The following COL4A5 variants were observed in gnomAD, a reference collection of about 807,000 sequenced individuals.
COL4A5 encodes collagen alpha-5(IV) chain.
COL4A5 carries 26 observed loss-of-function variants against 130.2 expected under a neutral mutation model. The observed-to-expected ratio is 0.20, with a 90% CI of 0.15 to 0.28. The LOEUF is 0.28. Ranked by LOEUF, COL4A5 falls within the 10% of genes least tolerant of loss-of-function variation. COL4A5 has a pLI of 1.00. For missense variants in COL4A5, 1,131 were observed against 1,344.3 expected, an observed-to-expected ratio of 0.84 and a Z score of 2.48; for synonymous variants, 496 against 439.6, an observed-to-expected ratio of 1.13 and a Z score of -1.60.
chrX:108,476,196 C>T lies in COL4A5; in HGVS notation c.81+35990C>T, dbSNP rs191241375. ...AGATGGTTTTTCTTCTAATTGTATA[C>T]GCCTTTATACTCATGTATTCTATGA... is the stretch of plus-strand genomic sequence containing the variant. On this transcript the variant is annotated intron_variant, in intron 1 of 52. Transcript: ENST00000328300. 8.2e-4 allele frequency among the ~76,000 whole-genome samples: 92 copies of T among 111,654 alleles called. 1 individual carries two copies. Among genetic ancestry groups the T allele is most frequent in the Admixed American group, 6.0e-3 (63 of 10,495 alleles).
At chrX:108,630,317 C>T (rs2067231340) in intron 36 of COL4A5, among the ~76,000 whole-genome samples, 1 of 111,818 alleles carries the variant, frequency 8.9e-6, no homozygotes, top group Admixed American at 9.5e-5. Flanking sequence ...TCTCCAGCAC[C>T]TGTTGTTTCC....
intron 21 of COL4A5, among the ~76,000 whole-genome samples, chrX:108,593,353 G>A (rs747092406): frequency 8.1e-5 from 9 of 111,020 alleles, no homozygotes; most frequent in Non-Finnish European, 1.5e-4. Context: ...TCTTTAATTT[G>A]ATTATTGGAT....
intron 30 of COL4A5, among the ~76,000 whole-genome samples, chrX:108,615,408 A>T (rs2066909261): frequency 9.0e-6 from 1 of 111,506 alleles, no homozygotes; most frequent in Admixed American, 9.5e-5. Context: ...TTAGCACATG[A>T]CAACTAGAAT....
At chrX:108,472,216 T>G (rs1279656308) in intron 1 of COL4A5, among the ~76,000 whole-genome samples, 1 of 111,900 alleles carries the variant, frequency 8.9e-6, no homozygotes, top group Non-Finnish European at 1.9e-5. Flanking sequence ...TTTGTATGAC[T>G]TCAGTTTTTG....
chrX:108,489,324 A>G (rs1242569149), intron 1 of COL4A5, among the ~76,000 whole-genome samples: 3 of 111,518 alleles, frequency 2.7e-5, no homozygotes, highest in Non-Finnish European at 5.7e-5. Context: ...CCTCTATTAT[A>G]GCAGCTATCA....
intron 1 of COL4A5, among the ~76,000 whole-genome samples, chrX:108,486,742 A>G (rs913554001): frequency 2.7e-5 from 3 of 112,038 alleles, no homozygotes; most frequent in African/African-American, 9.7e-5. Flanking sequence ...TGCCAAAGCC[A>G]TTATTTCATT....
At chrX:108,623,954 T>G (rs1304345368) in intron 33 of COL4A5, among the ~76,000 whole-genome samples, 1 of 111,795 alleles carries the variant, frequency 8.9e-6, no homozygotes, top group Non-Finnish European at 1.9e-5. Context: ...ACCTAGAGAT[T>G]ATCTGTCCTT....
intron 1 of COL4A5, among the ~76,000 whole-genome samples, chrX:108,469,788 G>C (rs1056109449): frequency 1.8e-5 from 2 of 111,314 alleles, no homozygotes; most frequent in African/African-American, 6.5e-5. Flanking sequence ...CATTACCCAG[G>C]CTACCTCCTC....
Position 108,577,993 on chromosome X carries a change from T to G in COL4A5, c.645+6T>G. The G allele has an allele frequency of 8.3e-7, 1 of 1,204,690 alleles. No individual in the cohort carries two copies. The highest frequency in any genetic ancestry group is 1.1e-6 in the Non-Finnish European group (1 of 889,999). ...CAGGACTTCCAGGACCTAAGGTAAT[T>G]TTCTTTTTCTTTATATCTTTTATTT... On this transcript the variant is annotated splice_donor_region_variant and intron_variant, in intron 11 of 52. Coordinates refer to ENST00000328300, the MANE Select transcript of COL4A5 (RefSeq NM_033380.3).
chrX:108,535,808 T>C (rs2147646112), intron 1 of COL4A5, among the ~76,000 whole-genome samples: 1 of 111,623 alleles, frequency 9.0e-6, no homozygotes, highest in South Asian at 3.7e-4. Flanking sequence ...CTACTGTGCT[T>C]CCCTTTGATG....
intron 36 of COL4A5, among the ~76,000 whole-genome samples, chrX:108,642,947 C>T (rs760763764): frequency 4.6e-4 from 50 of 108,008 alleles, no homozygotes; most frequent in Middle Eastern, 4.8e-3. Flanking sequence ...CAGGAGGTTA[C>T]TTATTAAGCT....
intron 1 of COL4A5, among the ~76,000 whole-genome samples, chrX:108,486,595 A>G (rs891880492): frequency 9.0e-6 from 1 of 110,955 alleles, no homozygotes; most frequent in African/African-American, 3.3e-5. Context: ...TGAGTCCCCA[A>G]AGTCCATTGT....
chrX:108,532,259 G>A (rs148519713), intron 1 of COL4A5, among the ~76,000 whole-genome samples: 1 of 111,455 alleles, frequency 9.0e-6, no homozygotes, highest in Non-Finnish European at 1.9e-5. Flanking sequence ...GGGATTGAAG[G>A]CAAGGAAGGC....
Position 108,568,641 on chromosome X carries a change from C to G in COL4A5, c.289C>G (p.Leu97Val). 8.3e-7 allele frequency: 1 copy of G among 1,198,198 alleles called. No homozygotes were observed. Among genetic ancestry groups the G allele is most frequent in the Non-Finnish European group, 1.1e-6 (1 of 883,633 alleles). Residue 97 changes from leucine (L) to valine (V), a missense_variant, in exon 5 of 53, where the codon CTT (leucine) becomes GTT (valine). Leu to Val is a conservative substitution (Grantham distance 32). Coordinates refer to ENST00000328300, the MANE Select transcript of COL4A5 (RefSeq NM_033380.3). ...GPKGIRGPPG[L>V]PGFPGTPGLP... Reference sequence around the variant, plus strand: ...TTTCTTCTTATAGGGTCCTCCTGGACTTCCTGGATTTCCAGGGACACCAGG... The same window carrying G: ...TTTCTTCTTATAGGGTCCTCCTGGAGTTCCTGGATTTCCAGGGACACCAGG...
chrX:108,490,785 C>G (rs1348013463), intron 1 of COL4A5, among the ~76,000 whole-genome samples: 1 of 110,824 alleles, frequency 9.0e-6, no homozygotes, highest in Non-Finnish European at 1.9e-5. Context: ...ATCTTTTCTG[C>G]TCCTCTTCAT....
At chrX:108,527,255 T>A (rs1386803797) in intron 1 of COL4A5, among the ~76,000 whole-genome samples, 1 of 111,689 alleles carries the variant, frequency 9.0e-6, no homozygotes, top group Admixed American at 9.5e-5. Flanking sequence ...TTCTTTTGGA[T>A]GTATTAAGTA....
chrX:108,648,910 G>C (rs778297478), intron 36 of COL4A5, among the ~76,000 whole-genome samples: 55 of 110,865 alleles, frequency 5.0e-4, no homozygotes, highest in Non-Finnish European at 7.9e-4. Flanking sequence ...ACAAGAGAAA[G>C]AAAAAAAGAA....
At chrX:108,496,081 A>C (rs770588565) in intron 1 of COL4A5, among the ~76,000 whole-genome samples, 2 of 112,201 alleles carry the variant, frequency 1.8e-5, no homozygotes, top group East Asian at 5.7e-4. Context: ...CCTGCTTTGC[A>C]GTGCTTCTCC....
intron 2 of COL4A5, among the ~76,000 whole-genome samples, chrX:108,540,688 T>G (rs750137225): frequency 8.9e-6 from 1 of 111,796 alleles, no homozygotes; most frequent in South Asian, 3.8e-4. Flanking sequence ...TGGCCTCAAG[T>G]GATCTGCCCA....
Sources: gnomAD v4.1 joint callset for allele counts (sites outside exome capture counted in the v4.1 genomes callset) on GRCh38, gnomAD v4.1.1 for gene constraint, MANE v1.5 for transcripts, NCBI Gene and HGNC (gene_info 2026-07-23, HGNC 2026-07-21) for gene names.